SFTPB: variants seen among roughly 807,000 people sequenced by gnomAD.
SFTPB encodes the protein surfactant protein B.
A neutral mutation model predicts 51.0 loss-of-function variants in SFTPB; 32 were observed. The observed-to-expected ratio is 0.63, with a 90% CI of 0.47 to 0.84. The LOEUF (loss-of-function observed/expected upper bound fraction) is 0.84. Ranked by LOEUF, SFTPB falls within the 40% of genes least tolerant of loss-of-function variation. The probability of loss-of-function intolerance (pLI) is 0.00; values close to 1 mark genes in which losing one functional copy is unlikely to be tolerated. For synonymous variants in SFTPB, 211 were observed against 208.5 expected (o/e 1.01, Z -0.10); for missense variants, 431 against 491.2 (o/e 0.88, Z 1.16).
intron 2 of SFTPB, 32 bp downstream of exon 2, chr2:85,667,647 C>G (rs961026359): frequency 6.2e-7 from 1 of 1,614,210 alleles, no homozygotes; most frequent in South Asian, 1.1e-5. Context: ...ATTTCAGACC[C>G]CCAGTTGCCA....
At chr2:85,667,834 A>T (rs1351087877) in intron 1 of SFTPB, 28 bp from the exon 2 acceptor site, 16 of 1,614,038 alleles carry the variant, frequency 9.9e-6, no homozygotes, top group African/African-American at 1.3e-5. Flanking sequence ...AGCAACCTTA[A>T]TCAGGATCCA....
rs554501590 is a variant in SFTPB, at chr2:85,657,831, C to A, written c.*1871G>T. 2 of 149,266 alleles carry A rather than the reference C, an allele frequency of 1.3e-5. No individual in the cohort carries two copies. Among genetic ancestry groups the A allele is most frequent in the Non-Finnish European group, 3.0e-5 (2 of 67,584 alleles). The allele number at this position is 149,266 out of a possible 1,614,324, so 9.2% of individuals were successfully genotyped here. On this transcript the variant is annotated 3_prime_UTR_variant, in exon 11 of 11. Transcript: ENST00000519937. ...AATTTTTTGTGGGCAGGGGGTGGAT[C>A]TTACAAAGCACATTCTCAATGGCGG...
intron 5 of SFTPB, 47 bp downstream of exon 5, chr2:85,665,559 C>G (rs373975091): frequency 6.2e-7 from 1 of 1,604,546 alleles, no homozygotes; most frequent in Non-Finnish European, 8.5e-7. Context: ...GGAGGTGGCT[C>G]TAGCCCTCTG....
At chr2:85,666,169 G>GGTGTGT (rs56132282) in intron 4 of SFTPB, among the ~76,000 whole-genome samples, 4,098 of 146,122 alleles carry the variant, frequency 0.028, 194 homozygotes, top group African/African-American at 0.1. Context: ...TTGTGGACAG[G>GGTGTGT]GTGTGTGTGT....
chr2:85,664,067 G>A (rs1029495469), intron 6 of SFTPB, among the ~76,000 whole-genome samples: 3 of 152,278 alleles, frequency 2.0e-5, no homozygotes, highest in East Asian at 1.9e-4. Flanking sequence ...TCAGACCTAC[G>A]TCTGGCCCCA....
At chr2:85,668,047 T>C in intron 1 of SFTPB, 70 bp downstream of exon 1, 1 of 1,335,944 alleles carries the variant, frequency 7.5e-7, no homozygotes, top group Non-Finnish European at 1.1e-6. Context: ...CTTGGGTTAA[T>C]GCCTAGCACA....
At chr2:85,661,402 G>T in intron 10 of SFTPB, 52 bp downstream of exon 10, 2 of 1,323,166 alleles carry the variant, frequency 1.5e-6, no homozygotes, top group Non-Finnish European at 2.1e-6. Context: ...CCCATGCCCT[G>T]ATGGTCAGGA....
intron 6 of SFTPB, among the ~76,000 whole-genome samples, chr2:85,664,107 A>G (rs1010860930): frequency 2.0e-5 from 3 of 152,208 alleles, no homozygotes; most frequent in African/African-American, 7.2e-5. Context: ...AGTGACTCTC[A>G]GACTGACATG....
At chr2:85,662,360 C>T (rs999969485) in intron 8 of SFTPB, 5 of 1,204,482 alleles carry the variant, frequency 4.2e-6, no homozygotes, top group Non-Finnish European at 4.4e-6. Context: ...TCTCAGCCAC[C>T]ACCCTCCCCT....
chr2:85,662,404 T>A (rs1677352971), intron 8 of SFTPB: 4 of 748,506 alleles, frequency 5.3e-6, no homozygotes, highest in Non-Finnish European at 7.6e-6. Flanking sequence ...AGAAGGAAAC[T>A]TAACGTTCAT....
In SFTPB at chr2:85,663,679, C is replaced by T. The variant is rs1677429504; in HGVS notation, c.841G>A (p.Asp281Asn). 6.2e-7 allele frequency: 1 copy of T among 1,612,338 alleles called. No homozygotes were observed. The highest frequency in any genetic ancestry group is 8.5e-7 in the Non-Finnish European group (1 of 1,179,410). The change falls in exon 7 of 11, where the codon GAC becomes AAC. Residue 281 changes from aspartate (D) to asparagine (N), a missense_variant. Transcript: ENST00000519937. ...CRLVLRCSMD[D>N]SAGPRSPTGE... ...GTGGGCTCACTTGGGCCAGCGCTGT[C>T]ATCCATGGAGCACCGGAGGACGAGG...
At chr2:85,666,126 C>G (rs1320548075) in intron 4 of SFTPB, among the ~76,000 whole-genome samples, 1 of 151,540 alleles carries the variant, frequency 6.6e-6, no homozygotes, top group East Asian at 1.9e-4. Context: ...TGGTCGGGTG[C>G]ATGGCTGAAG....
intron 9 of SFTPB, 30 bp from the exon 10 acceptor site, chr2:85,661,565 C>CT: frequency 6.3e-7 from 1 of 1,586,498 alleles, no homozygotes; most frequent in Non-Finnish European, 8.6e-7. Context: ...AGGGCTGAGG[C>CT]CTGGGCCCCC....
chr2:85,666,616 C>A lies in SFTPB; in HGVS notation c.393+1G>T. ...GCAGGAGGTGAGCTTGCAGCCCTCACAGTCTGGTTCTGGAAGTAGTCGATG... is the reference window on the plus strand; with the variant it reads ...GCAGGAGGTGAGCTTGCAGCCCTCAAAGTCTGGTTCTGGAAGTAGTCGATG... On this transcript the variant is annotated splice_donor_variant, in intron 4 of 10. Transcript: ENST00000519937. LOFTEE classifies it high-confidence loss of function. The A allele has an allele frequency of 1.9e-6, 3 of 1,613,426 alleles. No individual in the cohort carries two copies. The highest frequency in any genetic ancestry group is 2.5e-6 in the Non-Finnish European group (3 of 1,179,698).
At position 85,667,593 on chromosome 2, in the gene SFTPB, C is replaced by T. The variant is rs905210110; in HGVS notation, c.195+86G>A. 2.7e-5 allele frequency: 42 copies of T among 1,552,256 alleles called. 1 individual carries two copies. The South Asian group carries it at 4.7e-4, about 17-fold the overall frequency. On this transcript the variant is annotated intron_variant, in intron 2 of 10. Coordinates refer to ENST00000519937, the MANE Select transcript of SFTPB (RefSeq NM_000542.5). Reference sequence around the variant, plus strand: ...TCATCTCATCCATCCCCTATGGGGGCTCCACTCTCCTCCTGCCCATCCAGA... The same window carrying T: ...TCATCTCATCCATCCCCTATGGGGGTTCCACTCTCCTCCTGCCCATCCAGA...
rs560192535 is a variant in SFTPB, at chr2:85,662,204, C to T, written c.1003-95G>A. 3.9e-4 allele frequency: 606 copies of T among 1,546,006 alleles called. 7 individuals are homozygous for T. In the South Asian group the frequency reaches 5.8e-3, roughly 15 times the overall value. ...TCCACATCTCTGGATCACTCTAGGG[C>T]TCCCTCCCGACTCCTCCATCAGCCC... On this transcript the variant is annotated intron_variant, in intron 8 of 10. Coordinates refer to ENST00000519937, the MANE Select transcript of SFTPB (RefSeq NM_000542.5).
At chr2:85,668,042 G>C (rs780985395) in intron 1 of SFTPB, 75 bp downstream of exon 1, 24 of 1,320,130 alleles carry the variant, frequency 1.8e-5, no homozygotes, top group Non-Finnish European at 2.3e-5. Flanking sequence ...ACAGACTTGG[G>C]TTAATGCCTA....
chr2:85,668,158 C>T lies in SFTPB; in HGVS notation c.26G>A (p.Trp9Ter), dbSNP rs1226457777. 6 of 1,551,386 alleles carry T rather than the reference C, an allele frequency of 3.9e-6. No homozygotes were observed. Among genetic ancestry groups the T allele is most frequent in the South Asian group, 2.4e-5 (2 of 84,068 alleles). Residue 9 changes from tryptophan to a stop codon, truncating the protein, a stop_gained, in exon 1 of 11, where the codon TGG (tryptophan) becomes TAG (stop). Coordinates refer to ENST00000519937, the MANE Select transcript of SFTPB (RefSeq NM_000542.5). LOFTEE classifies it high-confidence loss of function. The stretch of plus-strand genomic sequence containing the variant: ...GAGCGTGGGCAGCAGCAGCAGCAGC[C>T]ACTGCAGCAGGTGTGACTCAGCCAT... MAESHLLQWLLLLLPTLCG... is the reference protein window; with the variant it reads MAESHLLQ
chr2:85,666,358 GC>G (rs1677608996), intron 4 of SFTPB, among the ~76,000 whole-genome samples: 1 of 138,016 alleles, frequency 7.2e-6, no homozygotes, highest in African/African-American at 2.8e-5. Context: ...TGGATAGGGT[GC>G]TGTGTGTGTG....
Sources: allele counts gnomAD v4.1 joint callset (sites outside exome capture counted in the v4.1 genomes callset), GRCh38; gene constraint gnomAD v4.1.1; transcripts MANE v1.5; gene names NCBI Gene and HGNC (gene_info 2026-07-23, HGNC 2026-07-21).